Variants in PCDH15 observed in about 807,000 individuals in gnomAD.
The protein encoded by PCDH15 is protocadherin-15.
A neutral mutation model predicts 178.5 loss-of-function variants in PCDH15; 129 were observed. That is an observed-to-expected ratio of 0.72 (90% confidence interval 0.63 to 0.84). PCDH15 has a LOEUF of 0.84. Among genes scored for constraint, PCDH15 ranks in the 40% least tolerant of loss-of-function variants. PCDH15 has a pLI of 0.00. For synonymous variants in PCDH15, 800 were observed against 732.0 expected, an observed-to-expected ratio of 1.09 and a Z score of -1.50; for missense variants, 2,230 against 2,099.9, an observed-to-expected ratio of 1.06 and a Z score of -1.21.
At chr10:54,131,203 G>C (rs1381790903) in intron 15 of PCDH15, among the ~76,000 whole-genome samples, 1 of 152,046 alleles carries the variant, frequency 6.6e-6, no homozygotes, top group Non-Finnish European at 1.5e-5. Flanking sequence ...AATGAAACCT[G>C]AGCCACTTTA....
At chr10:55,542,578 T>G (rs1165450515) in intron 2 of PCDH15, among the ~76,000 whole-genome samples, 1 of 150,064 alleles carries the variant, frequency 6.7e-6, no homozygotes, top group Non-Finnish European at 1.5e-5. Context: ...TATATACATA[T>G]GTATGTGTCT....
At chr10:54,224,126 C>G (rs1032485168) in intron 9 of PCDH15, among the ~76,000 whole-genome samples, 1 of 152,116 alleles carries the variant, frequency 6.6e-6, no homozygotes, top group Non-Finnish European at 1.5e-5. Flanking sequence ...AAAGAGAACA[C>G]TGTCTTCTGG....
chr10:54,483,050 A>G (rs1010647677), intron 3 of PCDH15, among the ~76,000 whole-genome samples: 3 of 151,888 alleles, frequency 2.0e-5, no homozygotes, highest in Non-Finnish European at 2.9e-5. Context: ...AACAGTAGTC[A>G]AACAGTATAG....
At chr10:54,524,938 C>T (rs944824612) in intron 3 of PCDH15, among the ~76,000 whole-genome samples, 2 of 152,182 alleles carry the variant, frequency 1.3e-5, no homozygotes, top group African/African-American at 4.8e-5. Flanking sequence ...AAGCATCTAA[C>T]AGAGCCCAGG....
At chr10:54,086,481 T>C (rs757329902) in intron 16 of PCDH15, among the ~76,000 whole-genome samples, 1 of 152,304 alleles carries the variant, frequency 6.6e-6, no homozygotes, top group East Asian at 1.9e-4. Flanking sequence ...ATTGTTCATA[T>C]CCTTGAAAGT....
In PCDH15 at chr10:54,366,972, A is replaced by C. The variant is rs527885680; in HGVS notation, c.474+2148T>G. ...AGATCAAATCTTTACCTTTCCTATAAATTTTATCACTCTGATGTTTAGGAG... is the reference window on the plus strand; with the variant it reads ...AGATCAAATCTTTACCTTTCCTATACATTTTATCACTCTGATGTTTAGGAG... On this transcript the variant is annotated intron_variant, in intron 5 of 37. Transcript: ENST00000644397. Among the ~76,000 whole-genome samples, 6 of 152,222 alleles carry C rather than the reference A, an allele frequency of 3.9e-5. No individual in the cohort carries two copies. In the East Asian group the frequency reaches 1.2e-3, roughly 29 times the overall value.
chr10:55,579,622 A>G (rs891485004), intron 2 of PCDH15, among the ~76,000 whole-genome samples: 3 of 152,222 alleles, frequency 2.0e-5, no homozygotes, highest in African/African-American at 4.8e-5. Context: ...GCAAAAATAT[A>G]TGTAGCTAAT....
At chr10:53,917,030 A>G (rs1163834021) in intron 25 of PCDH15, among the ~76,000 whole-genome samples, 1 of 152,190 alleles carries the variant, frequency 6.6e-6, no homozygotes, top group Non-Finnish European at 1.5e-5. Flanking sequence ...ATATAGGAAT[A>G]TAGTACACAT....
chr10:54,976,321 T>C (rs911923673), intron 2 of PCDH15, among the ~76,000 whole-genome samples: 1 of 152,118 alleles, frequency 6.6e-6, no homozygotes, highest in African/African-American at 2.4e-5. Context: ...ACAAAACCAA[T>C]TCACTGAGAC....
chr10:54,698,742 A>C (rs1300275654), intron 1 of PCDH15, among the ~76,000 whole-genome samples: 1 of 152,130 alleles, frequency 6.6e-6, no homozygotes, highest in Non-Finnish European at 1.5e-5. Context: ...AAATGTTCTA[A>C]CATTATGCCT....
intron 1 of PCDH15, among the ~76,000 whole-genome samples, chr10:54,744,870 G>A (rs1404224031): frequency 6.6e-6 from 1 of 152,036 alleles, no homozygotes; most frequent in Admixed American, 6.6e-5. Context: ...TTCAGTAAGG[G>A]AGCAGGAAAT....
At chr10:54,919,516 A>G (rs777429799) in intron 2 of PCDH15, among the ~76,000 whole-genome samples, 1 of 152,158 alleles carries the variant, frequency 6.6e-6, no homozygotes, top group South Asian at 2.1e-4. Context: ...CACACATATA[A>G]TATCTCTCTA....
intron 26 of PCDH15, among the ~76,000 whole-genome samples, chr10:53,881,895 G>C (rs1589230999): frequency 6.6e-6 from 1 of 151,786 alleles, no homozygotes. Context: ...CTGAAGAGTT[G>C]GCCCCAAAAC....
At chr10:53,811,390 GT>G (rs2132391461) in intron 36 of PCDH15, among the ~76,000 whole-genome samples, 158 bp downstream of exon 36, 1 of 152,030 alleles carries the variant, frequency 6.6e-6, no homozygotes. Context: ...TTAAAACTTG[GT>G]TAAAAATAAA....
intron 2 of PCDH15, among the ~76,000 whole-genome samples, chr10:54,632,592 A>T (rs943540514): frequency 1.3e-5 from 2 of 152,128 alleles, no homozygotes; most frequent in Non-Finnish European, 2.9e-5. Context: ...ATTCATATTA[A>T]AATTACCCCT....
chr10:55,272,583 A>G (rs1842474039), intron 1 of PCDH15, among the ~76,000 whole-genome samples: 1 of 151,734 alleles, frequency 6.6e-6, no homozygotes. Context: ...TGGTTTTACC[A>G]TACCGGCCAG....
At chr10:55,362,857 A>C (rs934315821) in intron 2 of PCDH15, among the ~76,000 whole-genome samples, 1 of 152,200 alleles carries the variant, frequency 6.6e-6, no homozygotes, top group Non-Finnish European at 1.5e-5. Flanking sequence ...CATTTCAAGA[A>C]GATCACAGGT....
intron 3 of PCDH15, among the ~76,000 whole-genome samples, chr10:54,433,348 G>A (rs1338336888): frequency 6.6e-6 from 1 of 151,820 alleles, no homozygotes; most frequent in African/African-American, 2.4e-5. Flanking sequence ...TTTAAAAAAT[G>A]TGGTTCTTAT....
intron 2 of PCDH15, among the ~76,000 whole-genome samples, chr10:55,466,864 A>C (rs1216312403): frequency 6.6e-6 from 1 of 152,196 alleles, no homozygotes. Flanking sequence ...TGTATTACCC[A>C]AAACACAGCA....
Sources: gnomAD v4.1 joint callset for allele counts (sites outside exome capture counted in the v4.1 genomes callset) on GRCh38, gnomAD v4.1.1 for gene constraint, MANE v1.5 for transcripts, NCBI Gene and HGNC (gene_info 2026-07-23, HGNC 2026-07-21) for gene names.